The following MEF2B variants were observed in gnomAD, a reference collection of about 807,000 sequenced individuals.
MEF2B encodes the protein myocyte-specific enhancer factor 2B.
A neutral mutation model predicts 32.2 loss-of-function variants in MEF2B; 15 were observed. That is an observed-to-expected ratio of 0.47 (90% CI 0.31 to 0.72). The LOEUF (loss-of-function observed/expected upper bound fraction) is 0.72. Among genes scored for constraint, MEF2B ranks in the 30% least tolerant of loss-of-function variants. MEF2B has a pLI of 0.05. For synonymous variants in MEF2B, 205 were observed against 225.6 expected (o/e 0.91, Z 0.82); for missense variants, 441 against 511.5 (o/e 0.86, Z 1.33).
Position 19,169,114 on chromosome 19 carries a change from A to T in MEF2B, c.-30+1091T>A, listed in dbSNP as rs567614850. On this transcript the variant is annotated intron_variant, in intron 1 of 8. Transcript: ENST00000424583. Reference sequence around the variant, plus strand: ...ACGCCTGTAATCCCAGCACTTTGGGAGGTTGAGGCAGGTGAATCATTTGAG... The same window carrying T: ...ACGCCTGTAATCCCAGCACTTTGGGTGGTTGAGGCAGGTGAATCATTTGAG... 3.3e-5 allele frequency among the ~76,000 whole-genome samples: 5 copies of T among 151,928 alleles called. No homozygotes were observed. In the South Asian group the frequency reaches 1.0e-3, roughly 32 times the overall value.
chr19:19,149,777 T>TA (rs3831635), intron 2 of MEF2B, among the ~76,000 whole-genome samples: 86,168 of 151,488 alleles, frequency 0.57, 25,484 homozygotes, highest in East Asian at 0.76. Flanking sequence ...AATAAATGAA[T>TA]AATGATCATG....
chr19:19,157,030 G>T, intron 1 of MEF2B: 1 of 202,814 alleles, frequency 4.9e-6, no homozygotes. Flanking sequence ...CACACCTGTA[G>T]TCCTGGCTAT....
chr19:19,166,861 C>T (rs867667398), intron 1 of MEF2B, among the ~76,000 whole-genome samples: 1 of 152,004 alleles, frequency 6.6e-6, no homozygotes, highest in Non-Finnish European at 1.5e-5. Context: ...CCCAGGAGTT[C>T]GAGACCAGCT....
intron 1 of MEF2B, among the ~76,000 whole-genome samples, chr19:19,156,285 A>G (rs1034263165): frequency 6.6e-6 from 1 of 152,118 alleles, no homozygotes; most frequent in Non-Finnish European, 1.5e-5. Flanking sequence ...TGGGCTGGGC[A>G]TGATGGTTCA....
At chr19:19,156,379 C>T (rs569281427) in intron 1 of MEF2B, among the ~76,000 whole-genome samples, 24 of 151,542 alleles carry the variant, frequency 1.6e-4, no homozygotes, top group East Asian at 1.9e-4. Context: ...GGCAACATAG[C>T]GAGACCCCTA....
In MEF2B at chr19:19,147,625, A is replaced by C. The variant is rs2060038654; in HGVS notation, c.393+73T>G. ...ATCCCTGGCTCTAAGCCCCTCTCTC[A>C]GTACCAGCCTCAACGACTTGGGCCT... On this transcript the variant is annotated intron_variant, in intron 4 of 8. Transcript: ENST00000424583. The C allele has an allele frequency of 4.5e-6, 7 of 1,570,908 alleles. No homozygotes were observed. The Admixed American group carries it at 9.0e-5, about 20-fold the overall frequency.
chr19:19,150,523 CAA>C (rs67741867), intron 2 of MEF2B, among the ~76,000 whole-genome samples, 157 bp downstream of exon 2: 37,721 of 102,846 alleles, frequency 0.37, 5,220 homozygotes, highest in East Asian at 0.54. Flanking sequence ...GACTTCATCT[CAA>C]AAAAAAAAAA....
At chr19:19,160,115 C>A (rs1599731254) in intron 1 of MEF2B, among the ~76,000 whole-genome samples, 1 of 152,028 alleles carries the variant, frequency 6.6e-6, no homozygotes, top group East Asian at 1.9e-4. Context: ...ATTACAGGTG[C>A]ACACCATCAC....
intron 1 of MEF2B, among the ~76,000 whole-genome samples, chr19:19,158,791 G>A (rs1358111289): frequency 6.6e-6 from 1 of 151,052 alleles, no homozygotes; most frequent in African/African-American, 2.4e-5. Flanking sequence ...AAAAAATTTA[G>A]CCAGGCGTGG....
At chr19:19,152,744 T>C (rs1373628099) in intron 1 of MEF2B, among the ~76,000 whole-genome samples, 1 of 152,148 alleles carries the variant, frequency 6.6e-6, no homozygotes, top group East Asian at 1.9e-4. Context: ...CTGGGAGTGT[T>C]CTCAGGGCTT....
chr19:19,167,324 C>G (rs558118568), intron 1 of MEF2B, among the ~76,000 whole-genome samples: 50 of 146,578 alleles, frequency 3.4e-4, no homozygotes, highest in African/African-American at 1.2e-3. Context: ...GCACTCCAGC[C>G]TGGGCAACAG....
chr19:19,157,835 G>A (rs1458748072), intron 1 of MEF2B, among the ~76,000 whole-genome samples: 6 of 152,106 alleles, frequency 3.9e-5, no homozygotes, highest in Admixed American at 3.9e-4. Context: ...GCGACAGAGC[G>A]AGACTCTGTG....
rs1166227101 is a variant in MEF2B, at chr19:19,147,028, A to G, written c.541+8T>C. ...GACCTCACCCCTGCCCCACTGTCCC[A>G]TGCTCACCTGGGGGCCCGGCTTTGG... On this transcript the variant is annotated splice_region_variant and intron_variant, in intron 5 of 8. Transcript: ENST00000424583. 1.3e-6 allele frequency: 2 copies of G among 1,595,662 alleles called. No individual in the cohort carries two copies. The highest frequency in any genetic ancestry group is 1.7e-6 in the Non-Finnish European group (2 of 1,171,992).
intron 1 of MEF2B, 131 bp downstream of exon 1, chr19:19,170,074 G>A (rs924082445): frequency 3.8e-5 from 15 of 396,868 alleles, no homozygotes; most frequent in African/African-American, 1.2e-4. Context: ...ACCACCCCAC[G>A]ACACACACCC....
intron 1 of MEF2B, among the ~76,000 whole-genome samples, chr19:19,154,535 C>G (rs1327644653): frequency 6.6e-6 from 1 of 152,050 alleles, no homozygotes; most frequent in Non-Finnish European, 1.5e-5. Context: ...TCTTCACCTC[C>G]CGGGTTCAAG....
intron 2 of MEF2B, 30 bp downstream of exon 2, chr19:19,150,652 C>T (rs1161417977): frequency 1.2e-6 from 2 of 1,613,736 alleles, no homozygotes; most frequent in African/African-American, 2.7e-5. Context: ...GAATGTCTTT[C>T]CCAGCCACTG....
chr19:19,155,829 C>T (rs919838743), intron 1 of MEF2B, among the ~76,000 whole-genome samples: 4 of 152,132 alleles, frequency 2.6e-5, no homozygotes, highest in Admixed American at 6.6e-5. Flanking sequence ...GTGCCAGGCA[C>T]GAGGGGGGAA....
intron 1 of MEF2B, among the ~76,000 whole-genome samples, chr19:19,167,461 G>A (rs1394036817): frequency 6.6e-6 from 1 of 151,986 alleles, no homozygotes; most frequent in Non-Finnish European, 1.5e-5. Flanking sequence ...GGCAGAGGTT[G>A]CAGTGAGCTG....
chr19:19,164,793 T>C (rs1345283509), intron 1 of MEF2B, among the ~76,000 whole-genome samples: 2 of 152,122 alleles, frequency 1.3e-5, no homozygotes, highest in South Asian at 2.1e-4. Context: ...CAGTCTGAAT[T>C]TGACCCTGCT....
Sources: gnomAD v4.1 joint callset for allele counts (sites outside exome capture counted in the v4.1 genomes callset) on GRCh38, gnomAD v4.1.1 for gene constraint, MANE v1.5 for transcripts, NCBI Gene and HGNC (gene_info 2026-07-23, HGNC 2026-07-21) for gene names.